The following SUMF1 variants were observed in gnomAD, a reference collection of about 807,000 sequenced individuals.
SUMF1 encodes the protein formylglycine-generating enzyme.
A neutral mutation model predicts 47.6 loss-of-function variants in SUMF1; 48 were observed. The observed-to-expected ratio is 1.01, with a 90% CI of 0.80 to 1.28. The LOEUF (loss-of-function observed/expected upper bound fraction) is 1.28. Among genes scored for constraint, SUMF1 ranks in the 50% most tolerant of loss-of-function variants. The probability of loss-of-function intolerance (pLI) is 0.00; values close to 1 mark genes in which losing one functional copy is unlikely to be tolerated. For missense variants in SUMF1, 571 were observed against 485.4 expected (o/e 1.18, Z -1.66); for synonymous variants, 230 against 192.1 (o/e 1.20, Z -1.63).
At chr3:4,110,144 G>C (rs1230038469) in intron 8 of SUMF1, among the ~76,000 whole-genome samples, 1 of 152,154 alleles carries the variant, frequency 6.6e-6, no homozygotes, top group Non-Finnish European at 1.5e-5. Flanking sequence ...CCTTCTGACA[G>C]TCAGGACCCT....
chr3:4,096,735 C>T (rs1385423469), intron 8 of SUMF1, among the ~76,000 whole-genome samples: 4 of 151,978 alleles, frequency 2.6e-5, no homozygotes, highest in Admixed American at 6.6e-5. Flanking sequence ...GTATCTTAGT[C>T]GAGGGTCACA....
chr3:4,249,902 G>A (rs1255219797), intron 8 of SUMF1, among the ~76,000 whole-genome samples: 3 of 152,176 alleles, frequency 2.0e-5, no homozygotes, highest in African/African-American at 7.2e-5. Context: ...GTCTCATTGG[G>A]CCAGGGGCAG....
chr3:4,263,931 A>T (rs13093454), intron 8 of SUMF1, among the ~76,000 whole-genome samples: 66,076 of 152,014 alleles, frequency 0.43, 14,734 homozygotes, highest in Non-Finnish European at 0.48. Context: ...GGGCCCAAAG[A>T]TAAGAAGATA....
chr3:4,391,427 G>A (rs534151052), intron 7 of SUMF1, among the ~76,000 whole-genome samples: 1 of 152,234 alleles, frequency 6.6e-6, no homozygotes, highest in South Asian at 2.1e-4. Context: ...TGGAACACAT[G>A]ATGTTGTTGC....
intron 5 of SUMF1, 48 bp from the exon 6 acceptor site, chr3:4,417,290 T>G: frequency 4.3e-4 from 662 of 1,538,258 alleles, no homozygotes; most frequent in Non-Finnish European, 5.5e-4. Flanking sequence ...GCACAGGTTT[T>G]GGATGAAAGT....
At chr3:4,200,559 G>GT (rs1213616378) in intron 8 of SUMF1, among the ~76,000 whole-genome samples, 2 of 152,076 alleles carry the variant, frequency 1.3e-5, no homozygotes, top group East Asian at 3.9e-4. Flanking sequence ...CAAACTTAGA[G>GT]TTACACCATG....
intron 3 of SUMF1, among the ~76,000 whole-genome samples, chr3:4,423,421 A>C (rs793390): frequency 0.88 from 133,265 of 152,000 alleles, 60,359 homozygotes; most frequent in East Asian, 0.98. Context: ...CCCTCAAGTC[A>C]GTTTATGTAT....
At chr3:4,376,184 T>C (rs970234128) in intron 8 of SUMF1, 146 bp downstream of exon 8, 2 of 1,000,456 alleles carry the variant, frequency 2.0e-6, no homozygotes, top group African/African-American at 1.6e-5. Context: ...AAATTTGAGA[T>C]GACTGTCCTC....
chr3:4,062,401 C>T (rs1045963198), intron 9 of SUMF1, among the ~76,000 whole-genome samples: 13 of 152,104 alleles, frequency 8.5e-5, no homozygotes, highest in African/African-American at 2.9e-4. Context: ...AGGTGTAACA[C>T]AAGTAAAAGT....
intron 8 of SUMF1, among the ~76,000 whole-genome samples, chr3:4,073,407 CTA>C (rs1241657643): frequency 1.3e-5 from 2 of 152,160 alleles, no homozygotes; most frequent in African/African-American, 4.8e-5. Flanking sequence ...ACCATCAACT[CTA>C]TGAAGAAACT....
At chr3:4,303,228 GAAGGGAAGCGCCTTC>G in intron 8 of SUMF1, 1 of 864,144 alleles carries the variant, frequency 1.2e-6, no homozygotes, top group Non-Finnish European at 1.7e-6. Flanking sequence ...AAAAGTCAAG[GAAGGGAAGCGCCTTC>G]CAGGCCACTC....
At chr3:4,237,365 T>A (rs1353988380) in intron 8 of SUMF1, among the ~76,000 whole-genome samples, 1 of 152,156 alleles carries the variant, frequency 6.6e-6, no homozygotes, top group Non-Finnish European at 1.5e-5. Context: ...AATTTGCAAT[T>A]CCATAATGAC....
intron 8 of SUMF1, among the ~76,000 whole-genome samples, chr3:4,354,380 C>A (rs368493890): frequency 6.6e-6 from 1 of 152,170 alleles, no homozygotes; most frequent in Non-Finnish European, 1.5e-5. Flanking sequence ...CCTCCCTTTT[C>A]GTTTTTCCTT....
chr3:4,057,522 T>C (rs1695212439), intron 9 of SUMF1, among the ~76,000 whole-genome samples: 1 of 152,162 alleles, frequency 6.6e-6, no homozygotes, highest in African/African-American at 2.4e-5. Flanking sequence ...ACCTTCACAA[T>C]TTACAACTGT....
intron 8 of SUMF1, among the ~76,000 whole-genome samples, chr3:4,133,659 G>C (rs371059672): frequency 6.6e-6 from 1 of 151,998 alleles, no homozygotes; most frequent in Admixed American, 6.6e-5. Context: ...TCTTTCTCCC[G>C]TGCTGGATGC....
chr3:4,231,375 C>T (rs1259106005), intron 8 of SUMF1, among the ~76,000 whole-genome samples: 1 of 152,120 alleles, frequency 6.6e-6, no homozygotes, highest in Non-Finnish European at 1.5e-5. Flanking sequence ...AGAAAGCCTA[C>T]CATTGCCTGC....
intron 7 of SUMF1, among the ~76,000 whole-genome samples, chr3:4,395,256 T>C (rs960009060): frequency 6.6e-6 from 1 of 152,142 alleles, no homozygotes; most frequent in Non-Finnish European, 1.5e-5. Context: ...TAGAGTATCT[T>C]CTAGGTTCAG....
At chr3:4,458,561 A>T (rs1461478179) in intron 1 of SUMF1, among the ~76,000 whole-genome samples, 1 of 152,172 alleles carries the variant, frequency 6.6e-6, no homozygotes, top group Non-Finnish European at 1.5e-5. Flanking sequence ...TTTTAGCCTT[A>T]AAAAGAAAAC....
intron 8 of SUMF1, among the ~76,000 whole-genome samples, chr3:4,270,397 C>G (rs929605261): frequency 2.0e-5 from 3 of 151,654 alleles, no homozygotes; most frequent in Admixed American, 2.0e-4. Context: ...TCTCTCTTTG[C>G]TCTCTCTCTC....
Sources: gnomAD v4.1 joint callset for allele counts (sites outside exome capture counted in the v4.1 genomes callset) on GRCh38, gnomAD v4.1.1 for gene constraint, MANE v1.5 for transcripts, NCBI Gene and HGNC (gene_info 2026-07-23, HGNC 2026-07-21) for gene names.